NCKAP5: variants seen among roughly 807,000 people sequenced by gnomAD.
NCKAP5 encodes the protein nck-associated protein 5.
NCKAP5 carries 92 observed loss-of-function variants against 167.0 expected under a neutral mutation model. The observed-to-expected ratio is 0.55, with a 90% confidence interval of 0.47 to 0.66. The LOEUF is 0.66. Ranked by LOEUF, NCKAP5 falls within the 30% of genes least tolerant of loss-of-function variation. The pLI, the probability that NCKAP5 is intolerant of heterozygous loss-of-function variation, is 0.00. For missense variants in NCKAP5, 2,378 were observed against 2,315.0 expected (o/e 1.03, Z -0.56); for synonymous variants, 891 against 877.4 (o/e 1.02, Z -0.27).
intron 8 of NCKAP5, among the ~76,000 whole-genome samples, chr2:132,920,779 A>G (rs201692015): frequency 0.04 from 740 of 18,562 alleles, 43 homozygotes; most frequent in African/African-American, 0.16. Context: ...ATGTATATAT[A>G]TATATATATA....
chr2:132,786,639 C>T (rs1201147845), intron 13 of NCKAP5, among the ~76,000 whole-genome samples: 5 of 151,660 alleles, frequency 3.3e-5, no homozygotes, highest in East Asian at 1.9e-4. Flanking sequence ...CATAGTATTG[C>T]TAATAAGAAA....
At chr2:133,362,028 TA>T (rs1685142413) in intron 3 of NCKAP5, among the ~76,000 whole-genome samples, 1 of 150,802 alleles carries the variant, frequency 6.6e-6, no homozygotes, top group South Asian at 2.1e-4. Flanking sequence ...AAAAACAGTG[TA>T]AAAAAGTCTA....
rs531643667 is a variant in NCKAP5, at chr2:133,528,985, T to C, written c.-61-11398A>G. The stretch of plus-strand genomic sequence containing the variant: ...TTTTCACCTACTAGCCATAGCTCTG[T>C]TCCCTAGAGCAAATATAATTTTTCT... On this transcript the variant is annotated intron_variant, in intron 2 of 19. Coordinates refer to ENST00000409261, the MANE Select transcript of NCKAP5 (RefSeq NM_207363.3). Among the ~76,000 whole-genome samples, 132 of 152,264 alleles carry C rather than the reference T, an allele frequency of 8.7e-4. 1 individual carries two copies. The highest frequency in any genetic ancestry group is 3.0e-3 in the African/African-American group (125 of 41,556).
rs564903337 is a variant in NCKAP5, at chr2:132,983,933, C to CA, written c.429+10218dup. On this transcript the variant is annotated intron_variant, in intron 7 of 19. Transcript: ENST00000409261. ...CTTCCATTGAGCATCCACATTCTCC[C>CA]ATGACCTGTAAGTCAAACTTCCTTA... Among the ~76,000 whole-genome samples, 42 of 152,324 alleles carry CA rather than the reference C, an allele frequency of 2.8e-4. No individual in the cohort carries two copies. The South Asian group carries it at 6.0e-3, about 22-fold the overall frequency.
intron 4 of NCKAP5, among the ~76,000 whole-genome samples, chr2:133,289,222 G>GA (rs976947955): frequency 8.5e-5 from 13 of 152,140 alleles, no homozygotes; most frequent in African/African-American, 2.9e-4. Flanking sequence ...GGGATAAAGA[G>GA]AAAAAATGTG....
At chr2:133,470,187 T>C (rs1283396992) in intron 3 of NCKAP5, among the ~76,000 whole-genome samples, 3 of 152,200 alleles carry the variant, frequency 2.0e-5, no homozygotes, top group Admixed American at 2.0e-4. Flanking sequence ...AGATGGGTTT[T>C]CGATGTGGAT....
chr2:133,325,191 T>G (rs1461542559), intron 3 of NCKAP5, among the ~76,000 whole-genome samples: 1 of 152,134 alleles, frequency 6.6e-6, no homozygotes, highest in Non-Finnish European at 1.5e-5. Flanking sequence ...AACCATAGCT[T>G]TACCATGTTA....
chr2:132,914,043 G>A, intron 8 of NCKAP5, among the ~76,000 whole-genome samples: 1 of 152,102 alleles, frequency 6.6e-6, no homozygotes, highest in East Asian at 1.9e-4. Flanking sequence ...GCACCACCTT[G>A]AAAAATAAGC....
chr2:133,571,236 G>T (rs1246700405), upstream of NCKAP5, among the ~76,000 whole-genome samples: 1 of 152,086 alleles, frequency 6.6e-6, no homozygotes, highest in African/African-American at 2.4e-5. Context: ...ATAGGAACCT[G>T]AGGCCAGATT....
intron 19 of NCKAP5, among the ~76,000 whole-genome samples, chr2:132,717,554 T>A (rs946553932): frequency 6.6e-6 from 1 of 152,230 alleles, no homozygotes; most frequent in African/African-American, 2.4e-5. Context: ...GCAGCGTTTT[T>A]AAAATTCATC....
intron 2 of NCKAP5, among the ~76,000 whole-genome samples, chr2:133,531,413 T>C (rs1365632919): frequency 6.6e-6 from 1 of 152,138 alleles, no homozygotes; most frequent in African/African-American, 2.4e-5. Context: ...TAATTGGTTA[T>C]AGGCAGTGCC....
chr2:133,644,553 G>T, the NCKAP5 span, among the ~76,000 whole-genome samples: 1 of 152,132 alleles, frequency 6.6e-6, no homozygotes, highest in Non-Finnish European at 1.5e-5. Flanking sequence ...GAACATTTCA[G>T]CTCTAGACAA....
intron 11 of NCKAP5, among the ~76,000 whole-genome samples, chr2:132,821,263 G>C (rs1480580100): frequency 1.3e-5 from 2 of 152,202 alleles, no homozygotes. Flanking sequence ...TGGGGAATCT[G>C]AAAACTCCAG....
chr2:132,899,790 G>A (rs1440896822), intron 8 of NCKAP5, among the ~76,000 whole-genome samples: 1 of 152,224 alleles, frequency 6.6e-6, no homozygotes, highest in East Asian at 1.9e-4. Context: ...CATGAGAATC[G>A]CTTGAACCCA....
At chr2:132,970,175 T>C (rs572508962) in intron 7 of NCKAP5, among the ~76,000 whole-genome samples, 2 of 152,246 alleles carry the variant, frequency 1.3e-5, no homozygotes, top group African/African-American at 2.4e-5. Flanking sequence ...CAGTATTTTT[T>C]AAAAAATCAA....
chr2:133,467,691 T>G (rs1443671293), intron 3 of NCKAP5, among the ~76,000 whole-genome samples: 1 of 149,674 alleles, frequency 6.7e-6, no homozygotes, highest in African/African-American at 2.5e-5. Context: ...TTTCAGCTCC[T>G]GTTATTGGTC....
intron 6 of NCKAP5, among the ~76,000 whole-genome samples, chr2:133,128,945 A>ATTTTTTTTTTTTTTTTTT (rs10584100): frequency 7.7e-6 from 1 of 130,090 alleles, no homozygotes. Flanking sequence ...AAACTCACTG[A>ATTTTTTTTTTTTTTTTTT]TTTTTTTTTT....
intron 6 of NCKAP5, among the ~76,000 whole-genome samples, chr2:133,055,709 A>G (rs2079775904): frequency 6.6e-6 from 1 of 152,140 alleles, no homozygotes; most frequent in African/African-American, 2.4e-5. Flanking sequence ...TATTTGATCT[A>G]TCTACTAGTT....
intron 5 of NCKAP5, among the ~76,000 whole-genome samples, chr2:133,157,345 G>A (rs2083613427): frequency 1.3e-5 from 2 of 152,178 alleles, no homozygotes; most frequent in African/African-American, 4.8e-5. Flanking sequence ...CACCACCTAT[G>A]AAAAGGCATG....
Sources: gnomAD v4.1 joint callset for allele counts (sites outside exome capture counted in the v4.1 genomes callset) on GRCh38, gnomAD v4.1.1 for gene constraint, MANE v1.5 for transcripts, NCBI Gene and HGNC (gene_info 2026-07-23, HGNC 2026-07-21) for gene names.